Variants in NRXN1 observed in about 807,000 individuals in gnomAD.
The protein encoded by NRXN1 is neurexin 1, also known as neurexin-1.
A neutral mutation model predicts 150.9 loss-of-function variants in NRXN1; 39 were observed. The ratio of observed to expected loss-of-function variants is 0.26; its 90% confidence interval spans 0.20 to 0.34. The LOEUF is 0.34. NRXN1 is among the 10% of genes least tolerant of loss of function. The pLI, the probability that NRXN1 is intolerant of heterozygous loss-of-function variation, is 1.00. For synonymous variants in NRXN1, 924 were observed against 757.0 expected (o/e 1.22, Z -3.62); for missense variants, 1,815 against 1,949.9 (o/e 0.93, Z 1.30).
chr2:50,631,410 T>C (rs1256869482), intron 5 of NRXN1: 1 of 200,144 alleles, frequency 5.0e-6, no homozygotes, highest in Non-Finnish European at 1.0e-5. Flanking sequence ...CATTATTTAG[T>C]CCAGTGCCTT....
chr2:50,337,763 A>C (rs1272908262), intron 17 of NRXN1, among the ~76,000 whole-genome samples: 6 of 152,220 alleles, frequency 3.9e-5, no homozygotes, highest in Non-Finnish European at 7.3e-5. Context: ...AGTTGAATTA[A>C]TTCATTTTGT....
chr2:50,503,545 A>C (rs2092063431), intron 13 of NRXN1, among the ~76,000 whole-genome samples: 1 of 130,434 alleles, frequency 7.7e-6, no homozygotes. Flanking sequence ...GAAAGAAAAA[A>C]AGAGAAATGA....
chr2:50,865,532 T>C (rs963929340), intron 5 of NRXN1, among the ~76,000 whole-genome samples: 1 of 151,166 alleles, frequency 6.6e-6, no homozygotes, highest in African/African-American at 2.4e-5. Flanking sequence ...TATTTACCCA[T>C]TGGAATTATT....
At chr2:50,991,874 T>C (rs922563061) in intron 2 of NRXN1, among the ~76,000 whole-genome samples, 6 of 152,042 alleles carry the variant, frequency 3.9e-5, no homozygotes, top group Non-Finnish European at 8.8e-5. Context: ...AAAGATCCCA[T>C]TAGAAATGCT....
At chr2:50,764,833 T>C (rs185127447) in intron 5 of NRXN1, among the ~76,000 whole-genome samples, 1 of 152,120 alleles carries the variant, frequency 6.6e-6, no homozygotes, top group East Asian at 1.9e-4. Flanking sequence ...AGAGCATGAT[T>C]TACTGTATTC....
At chr2:50,200,650 T>C (rs2062093246) in intron 18 of NRXN1, among the ~76,000 whole-genome samples, 1 of 152,144 alleles carries the variant, frequency 6.6e-6, no homozygotes, top group Non-Finnish European at 1.5e-5. Context: ...TCAAAGACTT[T>C]GTAGCAATCT....
In NRXN1 at chr2:50,626,707, C is replaced by G. The variant is rs375952070; in HGVS notation, c.833-3092G>C. On this transcript the variant is annotated intron_variant, in intron 5 of 22. Coordinates refer to ENST00000401669, the MANE Select transcript of NRXN1 (RefSeq NM_001330078.2). ...TTGATATGGAAGAATGGAAGGACTTCTAAAATTAGCATAAAGGCACTAATA... is the reference window on the plus strand; with the variant it reads ...TTGATATGGAAGAATGGAAGGACTTGTAAAATTAGCATAAAGGCACTAATA... Among the ~76,000 whole-genome samples the G allele has an allele frequency of 2.6e-5, 4 of 151,864 alleles. No homozygotes were observed. The South Asian group carries it at 8.3e-4, about 31-fold the overall frequency.
chr2:51,004,302 T>C (rs1300887589), intron 2 of NRXN1, among the ~76,000 whole-genome samples: 1 of 151,954 alleles, frequency 6.6e-6, no homozygotes, highest in African/African-American at 2.4e-5. Context: ...CTAAAACAGT[T>C]ATAGCAGCCA....
chr2:50,745,614 A>C (rs1574326106), intron 5 of NRXN1, among the ~76,000 whole-genome samples: 1 of 152,236 alleles, frequency 6.6e-6, no homozygotes, highest in East Asian at 1.9e-4. Context: ...TAAAGGAAAG[A>C]GGTTTAATTG....
intron 18 of NRXN1, among the ~76,000 whole-genome samples, chr2:50,113,631 G>A (rs1702658379): frequency 6.6e-6 from 1 of 152,102 alleles, no homozygotes; most frequent in South Asian, 2.1e-4. Context: ...CCCTTCAACT[G>A]TAAAAAGCAT....
At chr2:50,332,898 A>G (rs866617493) in intron 17 of NRXN1, among the ~76,000 whole-genome samples, 1 of 152,164 alleles carries the variant, frequency 6.6e-6, no homozygotes, top group African/African-American at 2.4e-5. Flanking sequence ...TTTCTTTTCC[A>G]AAAGACAAAA....
intron 18 of NRXN1, among the ~76,000 whole-genome samples, chr2:50,217,791 C>G (rs894377207): frequency 6.6e-6 from 1 of 152,056 alleles, no homozygotes; most frequent in Admixed American, 6.6e-5. Flanking sequence ...TATGACATCA[C>G]TTGCATACTT....
chr2:50,798,168 T>C (rs1707106302), intron 5 of NRXN1, among the ~76,000 whole-genome samples: 2 of 152,282 alleles, frequency 1.3e-5, no homozygotes, highest in South Asian at 4.1e-4. Flanking sequence ...ATTCTAGTTA[T>C]ATATAATCAC....
chr2:50,582,207 A>G (rs1250571741), intron 8 of NRXN1, among the ~76,000 whole-genome samples: 1 of 152,138 alleles, frequency 6.6e-6, no homozygotes, highest in African/African-American at 2.4e-5. Flanking sequence ...TAGATGGCTA[A>G]CATCTTTCAG....
At chr2:51,019,375 C>A (rs1453214510) in intron 2 of NRXN1, among the ~76,000 whole-genome samples, 3 of 151,992 alleles carry the variant, frequency 2.0e-5, no homozygotes, top group African/African-American at 4.8e-5. Context: ...GCCTTTCACT[C>A]GAAAAACACT....
At chr2:50,671,828 A>G (rs1362567836) in intron 5 of NRXN1, among the ~76,000 whole-genome samples, 1 of 151,898 alleles carries the variant, frequency 6.6e-6, no homozygotes. Flanking sequence ...GTAACTGCAC[A>G]TAAAACTTTA....
intron 2 of NRXN1, among the ~76,000 whole-genome samples, chr2:51,003,265 G>T (rs977800108): frequency 6.6e-6 from 1 of 151,862 alleles, no homozygotes; most frequent in Non-Finnish European, 1.5e-5. Flanking sequence ...CACCAATAAA[G>T]TAATGAGAGA....
intron 13 of NRXN1, 138 bp downstream of exon 13, chr2:50,506,357 C>A: frequency 2.9e-6 from 2 of 683,192 alleles, no homozygotes; most frequent in Non-Finnish European, 4.4e-6. Flanking sequence ...AAAATAGTTA[C>A]TAGAAAAAAA....
intron 21 of NRXN1, among the ~76,000 whole-genome samples, chr2:49,971,480 TG>T (rs1677951051): frequency 6.6e-6 from 1 of 152,170 alleles, no homozygotes; most frequent in Non-Finnish European, 1.5e-5. Context: ...TCAGGACTCT[TG>T]TAGTTTCATT....
Sources: allele counts gnomAD v4.1 joint callset (sites outside exome capture counted in the v4.1 genomes callset), GRCh38; gene constraint gnomAD v4.1.1; transcripts MANE v1.5; gene names NCBI Gene and HGNC (gene_info 2026-07-23, HGNC 2026-07-21).